Variants in C14orf132 observed in about 807,000 individuals in gnomAD.
C14orf132 encodes chromosome 14 open reading frame 132.
In C14orf132, 6 loss-of-function variants were observed where a neutral mutation model predicts 5.8. The ratio of observed to expected loss-of-function variants is 1.03; its 90% CI spans 0.57 to 2.04. The LOEUF is 2.04. Ranked by LOEUF, C14orf132 falls within the 30% of genes most tolerant of loss-of-function variation. The pLI is 0.00. For synonymous variants in C14orf132, 51 were observed against 49.8 expected (o/e 1.02, Z -0.10); for missense variants, 125 against 115.8 (o/e 1.08, Z -0.37).
chr14:96,067,567 T>C (rs981440028), intron 1 of C14orf132, among the ~76,000 whole-genome samples: 8 of 151,720 alleles, frequency 5.3e-5, no homozygotes, highest in African/African-American at 1.9e-4. Context: ...GGCGTGGTGG[T>C]GGGCACCTAT....
Position 96,092,713 on chromosome 14 carries a change from C to A in C14orf132, c.*5978C>A, listed in dbSNP as rs1331014817. ...GGCTTGAGAGTGTTGCCAGGTGGAG[C>A]TTTTCAGGAGACAGGGGTCTTGAGC... is the stretch of plus-strand genomic sequence containing the variant. On this transcript the variant is annotated 3_prime_UTR_variant, in exon 2 of 2. Coordinates refer to ENST00000555004, the MANE Select transcript of C14orf132 (RefSeq NM_001252507.3). 1.3e-5 allele frequency: 2 copies of A among 152,142 alleles called. No individual in the cohort carries two copies. Among genetic ancestry groups the A allele is most frequent in the African/African-American group, 4.8e-5 (2 of 41,408 alleles). The allele number at this position is 152,142 out of a possible 1,614,324, so 9.4% of individuals were successfully genotyped here.
intron 1 of C14orf132, among the ~76,000 whole-genome samples, chr14:96,051,899 C>T (rs1254884549): frequency 6.6e-6 from 1 of 152,250 alleles, no homozygotes; most frequent in Non-Finnish European, 1.5e-5. Flanking sequence ...TACAGACCAT[C>T]ATTCCTAGGC....
intron 1 of C14orf132, among the ~76,000 whole-genome samples, chr14:96,056,178 A>G (rs1029041139): frequency 6.6e-6 from 1 of 152,238 alleles, no homozygotes; most frequent in African/African-American, 2.4e-5. Context: ...TATTAGAAAA[A>G]GCAAGACAAT....
chr14:96,056,683 T>A (rs1887192827), intron 1 of C14orf132, among the ~76,000 whole-genome samples: 1 of 151,812 alleles, frequency 6.6e-6, no homozygotes, highest in Non-Finnish European at 1.5e-5. Context: ...CGTTGCACTA[T>A]TTTCTGTTTT....
At position 96,080,549 on chromosome 14, in the gene C14orf132, C is replaced by T. The variant is rs140609196; in HGVS notation, c.28-5962C>T. 6.1e-3 allele frequency among the ~76,000 whole-genome samples: 929 copies of T among 152,318 alleles called. 6 individuals are homozygous for T. Among genetic ancestry groups the T allele is most frequent in the African/African-American group, 0.021 (887 of 41,560 alleles). Reference sequence around the variant, plus strand: ...CTGCTGGGGTCACCTCTGATAACCACGCTTTGAAGATTTCCTTCTGAAACC... The same window carrying T: ...CTGCTGGGGTCACCTCTGATAACCATGCTTTGAAGATTTCCTTCTGAAACC... On this transcript the variant is annotated intron_variant, in intron 1 of 1. Coordinates refer to ENST00000555004, the MANE Select transcript of C14orf132 (RefSeq NM_001252507.3).
rs191796167 is a variant in C14orf132, at chr14:96,050,898, A to G, written c.27+11371A>G. Reference sequence around the variant, plus strand: ...GGGTAAATCTATTCCCTATTACTCCATTTTGGCTGGATGTGGAATTTTCAT... The same window carrying G: ...GGGTAAATCTATTCCCTATTACTCCGTTTTGGCTGGATGTGGAATTTTCAT... On this transcript the variant is annotated intron_variant, in intron 1 of 1. Coordinates refer to ENST00000555004, the MANE Select transcript of C14orf132 (RefSeq NM_001252507.3). Among the ~76,000 whole-genome samples, 104 of 152,128 alleles carry G rather than the reference A, an allele frequency of 6.8e-4. 1 individual carries two copies. The highest frequency in any genetic ancestry group is 2.4e-3 in the African/African-American group (100 of 41,506).
intron 1 of C14orf132, among the ~76,000 whole-genome samples, chr14:96,071,584 G>GC (rs1216648394): frequency 6.6e-6 from 1 of 152,022 alleles, no homozygotes; most frequent in African/African-American, 2.4e-5. Context: ...AACACACACT[G>GC]CCCCCTGGGG....
intron 1 of C14orf132, among the ~76,000 whole-genome samples, chr14:96,063,500 G>A (rs1047714337): frequency 2.0e-5 from 3 of 151,958 alleles, no homozygotes; most frequent in Non-Finnish European, 2.9e-5. Context: ...GTAGAGACGG[G>A]GTTTCACCAT....
chr14:96,053,359 C>T (rs1166121534), intron 1 of C14orf132, among the ~76,000 whole-genome samples: 3 of 152,254 alleles, frequency 2.0e-5, no homozygotes, highest in Non-Finnish European at 2.9e-5. Flanking sequence ...GACAGCTGCT[C>T]ACCTCTTATG....
chr14:96,063,863 A>G (rs185788256), intron 1 of C14orf132, among the ~76,000 whole-genome samples: 32 of 152,298 alleles, frequency 2.1e-4, no homozygotes, highest in Admixed American at 9.8e-4. Context: ...ACAAAATCAA[A>G]CAAATCAGTA....
In C14orf132 at chr14:96,090,770, GA is replaced by G; in HGVS notation, c.*4037del. Reference sequence around the variant, plus strand: ...TGCTTTTCCAGCCCCGGTTCAGCTGGAAGGCTTGGAGGCTGGCCAGACCACT... The same window carrying G: ...TGCTTTTCCAGCCCCGGTTCAGCTGGAGGCTTGGAGGCTGGCCAGACCACT... On this transcript the variant is annotated 3_prime_UTR_variant, in exon 2 of 2. Coordinates refer to ENST00000555004, the MANE Select transcript of C14orf132 (RefSeq NM_001252507.3). 1 of 456,092 alleles carries G rather than the reference GA, an allele frequency of 2.2e-6. No homozygotes were observed. The highest frequency in any genetic ancestry group is 4.4e-6 in the Non-Finnish European group (1 of 226,798). 28.3% of individuals were successfully genotyped at this position (456,092 alleles called of 1,614,324 possible).
At chr14:96,056,403 G>A (rs943691729) in intron 1 of C14orf132, among the ~76,000 whole-genome samples, 1 of 152,230 alleles carries the variant, frequency 6.6e-6, no homozygotes, top group Admixed American at 6.5e-5. Context: ...GGAGAGGAGA[G>A]TGGTGAGGAA....
At chr14:96,085,149 A>G (rs983822602) in intron 1 of C14orf132, among the ~76,000 whole-genome samples, 4 of 152,216 alleles carry the variant, frequency 2.6e-5, no homozygotes, top group African/African-American at 7.2e-5. Flanking sequence ...GGGTTGCAGT[A>G]TTAGCCTCCA....
At chr14:96,066,768 A>G (rs1294102958) in intron 1 of C14orf132, among the ~76,000 whole-genome samples, 4 of 152,214 alleles carry the variant, frequency 2.6e-5, no homozygotes, top group African/African-American at 7.2e-5. Flanking sequence ...AATGTAACAT[A>G]ACATAATATA....
chr14:96,049,627 TATACATATATACGTATATATATATATAG>T (rs1886963487), intron 1 of C14orf132, among the ~76,000 whole-genome samples: 1 of 80,744 alleles, frequency 1.2e-5, no homozygotes, highest in African/African-American at 6.1e-5. Flanking sequence ...TACGTATATA[TATACATATATACGTATATATATATATAG>T]AGAGAGAGAG....
intron 1 of C14orf132, among the ~76,000 whole-genome samples, chr14:96,077,005 G>A (rs1010123630): frequency 6.6e-6 from 1 of 152,180 alleles, no homozygotes; most frequent in South Asian, 2.1e-4. Flanking sequence ...ATGATCAGAA[G>A]ACATATTTCA....
intron 1 of C14orf132, among the ~76,000 whole-genome samples, chr14:96,045,279 G>A (rs1222125336): frequency 2.0e-5 from 3 of 152,202 alleles, no homozygotes; most frequent in African/African-American, 7.2e-5. Context: ...GCCTTCAGGG[G>A]TTTTTGACTT....
intron 1 of C14orf132, among the ~76,000 whole-genome samples, chr14:96,049,562 G>GGA (rs1566823686): frequency 1.1e-5 from 1 of 94,482 alleles, no homozygotes; most frequent in Non-Finnish European, 2.4e-5. Context: ...ACATATATAC[G>GGA]TATATATACA....
chr14:96,085,250 G>A (rs933121947), intron 1 of C14orf132, among the ~76,000 whole-genome samples: 5 of 152,178 alleles, frequency 3.3e-5, no homozygotes, highest in Admixed American at 2.0e-4. Flanking sequence ...TGTCTCATGC[G>A]GTGCTCGGTA....
Sources: allele counts gnomAD v4.1 joint callset (sites outside exome capture counted in the v4.1 genomes callset), GRCh38; gene constraint gnomAD v4.1.1; transcripts MANE v1.5; gene names NCBI Gene and HGNC (gene_info 2026-07-23, HGNC 2026-07-21).